The following TMPRSS3 variants were observed in gnomAD, a reference collection of about 807,000 sequenced individuals.
The protein encoded by TMPRSS3 is transmembrane serine protease 3.
A neutral mutation model predicts 59.6 loss-of-function variants in TMPRSS3; 55 were observed. The observed-to-expected ratio is 0.92, with a 90% confidence interval of 0.74 to 1.16. The LOEUF is 1.16. Ranked by LOEUF, TMPRSS3 falls within the 50% of genes most tolerant of loss-of-function variation. The pLI, the probability that TMPRSS3 is intolerant of heterozygous loss-of-function variation, is 0.00. For synonymous variants in TMPRSS3, 257 were observed against 237.7 expected, an observed-to-expected ratio of 1.08 and a Z score of -0.75; for missense variants, 596 against 579.4, an observed-to-expected ratio of 1.03 and a Z score of -0.29.
At position 42,385,621 on chromosome 21, in the gene TMPRSS3, G is replaced by A. The variant is rs2052622864; in HGVS notation, c.447-87C>T. ...GATGTGCGAGTCACAATATTACAGGGATTGTACATGGGGGATGTCATTTTG... is the reference window on the plus strand; with the variant it reads ...GATGTGCGAGTCACAATATTACAGGAATTGTACATGGGGGATGTCATTTTG... On this transcript the variant is annotated intron_variant, in intron 5 of 12. Coordinates refer to ENST00000644384, the MANE Select transcript of TMPRSS3 (RefSeq NM_001256317.3). The A allele has an allele frequency of 3.3e-6, 5 of 1,522,612 alleles. No homozygotes were observed. The Admixed American group carries it at 6.7e-5, about 20-fold the overall frequency. 94.3% of individuals were successfully genotyped at this position (1,522,612 alleles called of 1,614,324 possible). A position where few individuals can be genotyped will look rare whatever the true frequency, so the allele number is the denominator to read the frequency against.
chr21:42,379,790 G>GGAGGGTT (rs2052490875), intron 10 of TMPRSS3, among the ~76,000 whole-genome samples: 1 of 152,142 alleles, frequency 6.6e-6, no homozygotes, highest in Non-Finnish European at 1.5e-5. Context: ...ATGAAGCCTG[G>GGAGGGTT]GAGGGTTGTC....
intron 12 of TMPRSS3, 69 bp downstream of exon 12, chr21:42,375,647 G>A (rs1601514506): frequency 6.3e-7 from 1 of 1,598,990 alleles, no homozygotes; most frequent in Non-Finnish European, 8.6e-7. Context: ...GCAAGACCAG[G>A]GTTGCATTTA....
chr21:42,382,296 T>A, intron 8 of TMPRSS3, 62 bp from the exon 9 acceptor site: 1 of 1,456,784 alleles, frequency 6.9e-7, no homozygotes, highest in Non-Finnish European at 9.5e-7. Flanking sequence ...CTCATTGACC[T>A]CAGGTATCCT....
At chr21:42,395,240 C>A in intron 2 of TMPRSS3, 84 bp downstream of exon 2, 2 of 1,166,434 alleles carry the variant, frequency 1.7e-6, no homozygotes, top group Non-Finnish European at 2.6e-6. Context: ...GGAGATATTT[C>A]CCCCACAGGG....
intron 2 of TMPRSS3, among the ~76,000 whole-genome samples, chr21:42,391,754 G>C (rs2052737531): frequency 6.6e-6 from 1 of 152,192 alleles, no homozygotes; most frequent in Non-Finnish European, 1.5e-5. Context: ...CTCTGACCCA[G>C]GACTCTCGTG....
intron 7 of TMPRSS3, chr21:42,383,663 G>A (rs1042784412): frequency 5.2e-5 from 32 of 609,550 alleles, no homozygotes; most frequent in Middle Eastern, 7.9e-4. Context: ...CACTGTGCAC[G>A]TGTAAGGAGG....
chr21:42,372,508 A>T lies in TMPRSS3; in HGVS notation c.*254T>A. On this transcript the variant is annotated 3_prime_UTR_variant, in exon 13 of 13. Coordinates refer to ENST00000644384, the MANE Select transcript of TMPRSS3 (RefSeq NM_001256317.3). ...CAGGGAAGCGGAGGCTGCAGTGAGC[A>T]GGGATTTCGCCACTGCACTCCAGCC... The T allele has an allele frequency of 1.6e-6, 1 of 640,642 alleles. No individual in the cohort carries two copies. Among genetic ancestry groups the T allele is most frequent in the Non-Finnish European group, 2.9e-6 (1 of 347,454 alleles). 39.7% of individuals were successfully genotyped at this position (640,642 alleles called of 1,614,324 possible).
At chr21:42,390,193 G>C in intron 2 of TMPRSS3, 156 bp from the exon 3 acceptor site, 1 of 680,654 alleles carries the variant, frequency 1.5e-6, no homozygotes, top group South Asian at 1.6e-5. Flanking sequence ...CACCCACCAA[G>C]GGGCACATTC....
intron 6 of TMPRSS3, 28 bp downstream of exon 6, chr21:42,385,381 C>T (rs1230903763): frequency 6.2e-7 from 1 of 1,613,394 alleles, no homozygotes; most frequent in East Asian, 2.2e-5. Flanking sequence ...GATACCTGTG[C>T]AGACAACAGC....
In TMPRSS3 at chr21:42,385,486, G is replaced by A. The variant is rs746043102; in HGVS notation, c.495C>T (p.Phe165=). 1 of 1,614,136 alleles carries A rather than the reference G, an allele frequency of 6.2e-7. No individual in the cohort carries two copies. The highest frequency in any genetic ancestry group is 1.3e-5 in the African/African-American group (1 of 75,028). ...GATCGATGGACACAAACTCCTCCCG[G>A]AACTGCCCCTCCAGCGAGCTCACTC... is the stretch of plus-strand genomic sequence containing the variant. ...NLRVSSLEGQ[F]REEFVSIDHL... The change falls in exon 6 of 13, where the codon TTC becomes TTT. Residue 165 remains phenylalanine, a synonymous_variant. Coordinates refer to ENST00000644384, the MANE Select transcript of TMPRSS3 (RefSeq NM_001256317.3).
chr21:42,392,445 G>A (rs375851507), intron 2 of TMPRSS3, among the ~76,000 whole-genome samples: 1 of 152,314 alleles, frequency 6.6e-6, no homozygotes, highest in East Asian at 1.9e-4. Flanking sequence ...GAGGATGAGA[G>A]ACCGTGGCAA....
intron 5 of TMPRSS3, among the ~76,000 whole-genome samples, chr21:42,386,818 G>A (rs2052641771): frequency 6.6e-6 from 1 of 151,876 alleles, no homozygotes; most frequent in African/African-American, 2.4e-5. Context: ...TTGAATCACA[G>A]ATCTCTGACA....
At chr21:42,384,954 G>C (rs887839449) in intron 6 of TMPRSS3, among the ~76,000 whole-genome samples, 2 of 147,640 alleles carry the variant, frequency 1.4e-5, no homozygotes, top group Admixed American at 6.8e-5. Context: ...AATAAATAAT[G>C]AATGCTAAAA....
intron 2 of TMPRSS3, among the ~76,000 whole-genome samples, chr21:42,391,625 G>A (rs2052736201): frequency 1.3e-5 from 2 of 152,210 alleles, no homozygotes; most frequent in African/African-American, 2.4e-5. Context: ...CAAACTGCCT[G>A]CACGTGCGGC....
At chr21:42,386,931 A>ATATC (rs1323813839) in intron 5 of TMPRSS3, among the ~76,000 whole-genome samples, 2 of 152,230 alleles carry the variant, frequency 1.3e-5, no homozygotes, top group African/African-American at 4.8e-5. Flanking sequence ...AGCAATGGAT[A>ATATC]GAGAACAAAA....
chr21:42,385,985 G>A (rs1194064047), intron 5 of TMPRSS3, among the ~76,000 whole-genome samples: 5 of 152,180 alleles, frequency 3.3e-5, no homozygotes, highest in Non-Finnish European at 7.3e-5. Context: ...AGGAACAGGA[G>A]AGACATCCCT....
chr21:42,379,765 A>G (rs1162943302), intron 10 of TMPRSS3, among the ~76,000 whole-genome samples: 1 of 151,926 alleles, frequency 6.6e-6, no homozygotes, highest in Non-Finnish European at 1.5e-5. Flanking sequence ...ACAAATACGA[A>G]TCTTTGAGTT....
intron 12 of TMPRSS3, among the ~76,000 whole-genome samples, chr21:42,375,228 C>T (rs1050426926): frequency 2.1e-5 from 3 of 145,334 alleles, no homozygotes; most frequent in Non-Finnish European, 3.0e-5. Context: ...TCCGGGACCC[C>T]CCACCCCCCC....
rs755630225 is a variant in TMPRSS3 at position 42,395,944 on chromosome 21, A to G, written c.-54T>C. On this transcript the variant is annotated splice_region_variant and 5_prime_UTR_variant, in exon 1 of 13. Coordinates refer to ENST00000644384, the MANE Select transcript of TMPRSS3 (RefSeq NM_001256317.3). ...GCATAAGTAGTTTCGGTACTCACAT[A>G]ATTCCCGAGTCCCAAAAATGTAGAT... 3.9e-6 allele frequency: 2 copies of G among 518,824 alleles called. No individual in the cohort carries two copies. Among genetic ancestry groups the G allele is most frequent in the Non-Finnish European group, 7.7e-6 (2 of 259,868 alleles). The allele number at this position is 518,824 out of a possible 1,614,324, so 32.1% of individuals were successfully genotyped here. A position where few individuals can be genotyped will look rare whatever the true frequency, so the allele number is the denominator to read the frequency against.
Sources: allele counts gnomAD v4.1 joint callset (sites outside exome capture counted in the v4.1 genomes callset), GRCh38; gene constraint gnomAD v4.1.1; transcripts MANE v1.5; gene names NCBI Gene and HGNC (gene_info 2026-07-23, HGNC 2026-07-21).